The following SLC6A3 variants were observed in gnomAD, a reference collection of about 807,000 sequenced individuals.
SLC6A3 encodes solute carrier family 6 member 3.
In SLC6A3, 19 loss-of-function variants were observed where a neutral mutation model predicts 70.4. That is an observed-to-expected ratio of 0.27 (90% CI 0.19 to 0.40). The LOEUF is 0.40. Among genes scored for constraint, SLC6A3 ranks in the 10% least tolerant of loss-of-function variants. The pLI, the probability that SLC6A3 is intolerant of heterozygous loss-of-function variation, is 1.00. For missense variants in SLC6A3, 613 were observed against 838.5 expected (o/e 0.73, Z 3.32); for synonymous variants, 368 against 356.6 (o/e 1.03, Z -0.36).
rs139410121 is a variant in SLC6A3, at chr5:1,427,602, G to A, written c.653+4862C>T. Among the ~76,000 whole-genome samples the A allele has an allele frequency of 3.8e-3, 573 of 152,270 alleles. 6 individuals carry two copies. The highest frequency in any genetic ancestry group is 0.013 in the African/African-American group (532 of 41,534). On this transcript the variant is annotated intron_variant, in intron 4 of 14. Transcript: ENST00000270349. ...TAAAAAGCACAACCAACTCGATGGT[G>A]TCTACAATAAATCCATTTTATATAT...
rs1756896264 is a variant in SLC6A3, at chr5:1,438,611, T to C, written c.418+2748A>G. ...GCTTTGTTGGTGAACATCCTTTCTG[T>C]GTGACAGACGGAAGGAAATGAGCTC... On this transcript the variant is annotated intron_variant, in intron 3 of 14. Transcript: ENST00000270349. This position sits in a 1 kb window ranked among gnomAD's most constrained non-coding sequence, Gnocchi z 6.5. Among the ~76,000 whole-genome samples, 1 of 152,210 alleles carries C rather than the reference T, an allele frequency of 6.6e-6. No homozygotes were observed. The highest frequency in any genetic ancestry group is 2.1e-4 in the South Asian group (1 of 4,832).
chr5:1,441,476 G>A lies in SLC6A3; in HGVS notation c.301C>T (p.Pro101Ser). 5.0e-6 allele frequency: 8 copies of A among 1,614,114 alleles called. No homozygotes were observed. The highest frequency in any genetic ancestry group is 6.8e-6 in the Non-Finnish European group (8 of 1,179,994). ...GCAATGACCATGAAGAGCAGGTAGG[G>A]GACCAGGAAGGCACCTGTGGGGCAG... ...YKNGGGAFLVPYLLFMVIAGM... is the reference protein window; with the variant it reads ...YKNGGGAFLVSYLLFMVIAGM... Residue 101 changes from proline to serine, a missense_variant, in exon 3 of 15, where the codon CCC (proline) becomes TCC (serine). By Grantham distance (74) the Pro-to-Ser change is moderately conservative. Around this residue, in one of 4 missense-constraint regions of SLC6A3, gnomAD observed 153 missense variants for 249.4 expected, o/e 0.61. Transcript: ENST00000270349.
chr5:1,413,834 G>T lies in SLC6A3; in HGVS notation c.1156+857C>A, dbSNP rs1756184378. On this transcript the variant is annotated intron_variant, in intron 8 of 14. Coordinates refer to ENST00000270349, the MANE Select transcript of SLC6A3 (RefSeq NM_001044.5). This position sits in a 1 kb window ranked among gnomAD's most constrained non-coding sequence, Gnocchi z 7.1. ...CCAACGCCACAGCTTTCCACTGCAA[G>T]CACCGGAGCCAGGCACGTGGCCCCA... Among the ~76,000 whole-genome samples, 1 of 152,208 alleles carries T rather than the reference G, an allele frequency of 6.6e-6. No homozygotes were observed. Among genetic ancestry groups the T allele is most frequent in the African/African-American group, 2.4e-5 (1 of 41,462 alleles).
At chr5:1,440,994 C>A (rs1344516859) in intron 3 of SLC6A3, among the ~76,000 whole-genome samples, 1 of 152,028 alleles carries the variant, frequency 6.6e-6, no homozygotes, top group African/African-American at 2.4e-5. Flanking sequence ...GATATAAAGA[C>A]CAATAATAAA....
rs546608337 is a variant in SLC6A3, at chr5:1,421,915, G to A, written c.753C>T (p.Leu251=). The change falls in exon 5 of 15, where the codon CTC becomes CTT. Residue 251 remains leucine, a synonymous_variant. Coordinates refer to ENST00000270349, the MANE Select transcript of SLC6A3 (RefSeq NM_001044.5). The surrounding 1 kb of genome is among the most constrained non-coding windows in gnomAD (Gnocchi z 7.2). ...TCACGCCCTTCCAGAGGCTGAAGTA[G>A]AGCAGCACGATGACCAGCACCAGGC... ...TACLVLVIVL[L]YFSLWKGVKT... is the part of the protein sequence containing the mutation. The A allele has an allele frequency of 6.2e-7, 1 of 1,613,304 alleles. No individual in the cohort carries two copies. The highest frequency in any genetic ancestry group is 2.2e-5 in the East Asian group (1 of 44,884).
intron 14 of SLC6A3, among the ~76,000 whole-genome samples, chr5:1,398,360 CAAAAAAA>C: frequency 1.4e-5 from 1 of 69,084 alleles, no homozygotes; most frequent in South Asian, 5.1e-4. Context: ...GACTCCACCT[CAAAAAAA>C]AAAAAAAAAA....
intron 4 of SLC6A3, among the ~76,000 whole-genome samples, chr5:1,423,269 C>A (rs1173397889): frequency 1.1e-5 from 1 of 91,620 alleles, no homozygotes; most frequent in Non-Finnish European, 2.5e-5. Flanking sequence ...CTGCTGCCCA[C>A]AGTGCTGCCC....
intron 7 of SLC6A3, among the ~76,000 whole-genome samples, chr5:1,415,333 GTCC>G: frequency 6.6e-6 from 1 of 152,232 alleles, no homozygotes; most frequent in African/African-American, 2.4e-5. Context: ...GGGCACCAGC[GTCC>G]TCCTCCTGGG....
rs369485904 is a variant in SLC6A3, at chr5:1,394,662, C to G, written c.*73G>C. ...GAAGTTGCCCTCCTTTCTCTCGAAA[C>G]TTAGATTTCCTTGGTTTGTTCGTGT... On this transcript the variant is annotated 3_prime_UTR_variant, in exon 15 of 15. Coordinates refer to ENST00000270349, the MANE Select transcript of SLC6A3 (RefSeq NM_001044.5). The surrounding 1 kb of genome is among the most constrained non-coding windows in gnomAD (Gnocchi z 4.7). The G allele has an allele frequency of 1.3e-6, 2 of 1,496,068 alleles. No individual in the cohort carries two copies. Among genetic ancestry groups the G allele is most frequent in the South Asian group, 1.1e-5 (1 of 88,808 alleles). 92.7% of individuals were successfully genotyped at this position (1,496,068 alleles called of 1,614,324 possible). A position where few individuals can be genotyped will look rare whatever the true frequency, so the allele number is the denominator to read the frequency against.
Position 1,411,471 on chromosome 5 carries a change from G to C in SLC6A3, c.1157-116C>G. 1 of 785,572 alleles carries C rather than the reference G, an allele frequency of 1.3e-6. No individual in the cohort carries two copies. The highest frequency in any genetic ancestry group is 2.2e-6 in the Non-Finnish European group (1 of 456,970). The allele number at this position is 785,572 out of a possible 1,614,324, so 48.7% of individuals were successfully genotyped here. ...CACAGGCCTGTAGAGACTAGGGCTG[G>C]TGCGGCTCTGCTGAAAAGCCCCCTT... is the stretch of plus-strand genomic sequence containing the variant. On this transcript the variant is annotated intron_variant, in intron 8 of 14. Transcript: ENST00000270349. This position sits in a 1 kb window ranked among gnomAD's most constrained non-coding sequence, Gnocchi z 6.5.
At chr5:1,443,674 C>CTT (rs113657129) in intron 1 of SLC6A3, among the ~76,000 whole-genome samples, 10 of 150,034 alleles carry the variant, frequency 6.7e-5, no homozygotes, top group African/African-American at 9.8e-5. Context: ...ATTCTTTTTT[C>CTT]TTTTTTTTTT....
chr5:1,440,467 T>C (rs1756948641), intron 3 of SLC6A3, among the ~76,000 whole-genome samples: 1 of 152,076 alleles, frequency 6.6e-6, no homozygotes, highest in African/African-American at 2.4e-5. Context: ...GATGAATGGG[T>C]AGATGACAGA....
chr5:1,430,884 G>A (rs1756684286), intron 4 of SLC6A3, among the ~76,000 whole-genome samples: 1 of 151,446 alleles, frequency 6.6e-6, no homozygotes, highest in African/African-American at 2.4e-5. Flanking sequence ...TTTTGCAAAG[G>A]CACCTACTGG....
chr5:1,409,217 C>T, intron 10 of SLC6A3, 92 bp from the exon 11 acceptor site: 1 of 943,550 alleles, frequency 1.1e-6, no homozygotes, highest in Non-Finnish European at 1.7e-6. Flanking sequence ...AATTGTTTCA[C>T]TCACTGCAAA....
In SLC6A3 at chr5:1,441,182, A is replaced by G. The variant is rs572255088; in HGVS notation, c.418+177T>C. ...CCTAGAGCAAGGGAATGAACTATCC[A>G]GTCCTTGTCACTGCAGATCTTTAAG... On this transcript the variant is annotated intron_variant, in intron 3 of 14. Transcript: ENST00000270349. Among the ~76,000 whole-genome samples the G allele has an allele frequency of 1.2e-4, 18 of 152,394 alleles. No individual in the cohort carries two copies. In the South Asian group the frequency reaches 1.7e-3, roughly 14 times the overall value.
At chr5:1,400,061 G>A (rs1212208515) in intron 14 of SLC6A3, among the ~76,000 whole-genome samples, 1 of 152,194 alleles carries the variant, frequency 6.6e-6, no homozygotes, top group Non-Finnish European at 1.5e-5. Context: ...GTGGGGCCGC[G>A]GTGCCCTCCA....
At chr5:1,409,265 G>A in intron 10 of SLC6A3, 140 bp from the exon 11 acceptor site, 1 of 710,600 alleles carries the variant, frequency 1.4e-6, no homozygotes. Context: ...CCCACATGCA[G>A]CTTCTTAGGG....
At chr5:1,399,855 C>T (rs970270051) in intron 14 of SLC6A3, among the ~76,000 whole-genome samples, 1 of 152,196 alleles carries the variant, frequency 6.6e-6, no homozygotes, top group Non-Finnish European at 1.5e-5. Flanking sequence ...CCCTGCTCAG[C>T]GTCTTGTTCT....
chr5:1,443,085 T>C lies in SLC6A3; in HGVS notation c.113A>G (p.Asn38Ser), dbSNP rs759916093. 2.5e-6 allele frequency: 4 copies of C among 1,614,116 alleles called. No individual in the cohort carries two copies. Among genetic ancestry groups the C allele is most frequent in the Non-Finnish European group, 3.4e-6 (4 of 1,180,050 alleles). ...EVELILVKEQ[N>S]GVQLTSSTLT... ...GGTGGAGCTGGTGAGCTGCACTCCGTTCTGCTCCTTGACAAGGATGAGCTC... is the reference window on the plus strand; with the variant it reads ...GGTGGAGCTGGTGAGCTGCACTCCGCTCTGCTCCTTGACAAGGATGAGCTC... Residue 38 changes from asparagine to serine, a missense_variant, in exon 2 of 15, where the codon AAC (asparagine) becomes AGC (serine). Coordinates refer to ENST00000270349, the MANE Select transcript of SLC6A3 (RefSeq NM_001044.5).
Sources: allele counts gnomAD v4.1 joint callset (sites outside exome capture counted in the v4.1 genomes callset), GRCh38; gene constraint gnomAD v4.1.1; regional missense constraint gnomAD v4.1.1; non-coding constraint Gnocchi (gnomAD v3.1); transcripts MANE v1.5; gene names NCBI Gene and HGNC (gene_info 2026-07-23, HGNC 2026-07-21).